Variants in ATP8B1 observed in about 807,000 individuals in gnomAD.
ATP8B1 encodes ATPase phospholipid transporting 8B1.
A neutral mutation model predicts 149.9 loss-of-function variants in ATP8B1; 80 were observed. The observed-to-expected ratio is 0.53, with a 90% CI of 0.45 to 0.64. The LOEUF is 0.64. Among genes scored for constraint, ATP8B1 ranks in the 30% least tolerant of loss-of-function variants. ATP8B1 has a pLI of 0.00. For synonymous variants in ATP8B1, 536 were observed against 562.8 expected (o/e 0.95, Z 0.67); for missense variants, 1,247 against 1,552.6 (o/e 0.80, Z 3.31).
intron 1 of ATP8B1, among the ~76,000 whole-genome samples, chr18:57,748,619 C>A (rs1452941378): frequency 6.6e-6 from 1 of 152,186 alleles, no homozygotes; most frequent in East Asian, 1.9e-4. Flanking sequence ...ACAGAGGACT[C>A]CACAGTCAGG....
intron 1 of ATP8B1, among the ~76,000 whole-genome samples, chr18:57,793,903 G>T (rs1346313708): frequency 6.6e-6 from 1 of 152,162 alleles, no homozygotes; most frequent in Non-Finnish European, 1.5e-5. Context: ...CACAGCCTAA[G>T]GTTCTCAAAT....
chr18:57,660,444 A>G (rs747035729), intron 22 of ATP8B1, among the ~76,000 whole-genome samples: 1 of 152,220 alleles, frequency 6.6e-6, no homozygotes, highest in Non-Finnish European at 1.5e-5. Context: ...AAGGAGAATG[A>G]TATTGTCAAA....
intron 1 of ATP8B1, among the ~76,000 whole-genome samples, chr18:57,797,361 A>G (rs955318161): frequency 1.3e-5 from 2 of 152,216 alleles, no homozygotes; most frequent in Admixed American, 6.5e-5. Flanking sequence ...GTCAGGCTCC[A>G]CAGTACTCAT....
intron 2 of ATP8B1, among the ~76,000 whole-genome samples, chr18:57,715,563 G>A (rs2079575921): frequency 1.3e-5 from 2 of 152,072 alleles, no homozygotes; most frequent in Non-Finnish European, 2.9e-5. Flanking sequence ...ACTACCTCAG[G>A]CATTTAGTAA....
chr18:57,668,072 A>T, intron 19 of ATP8B1: 1 of 1,299,360 alleles, frequency 7.7e-7, no homozygotes, highest in African/African-American at 1.5e-5. Flanking sequence ...AGTACTTTGT[A>T]TTGTTCTACT....
intron 1 of ATP8B1, among the ~76,000 whole-genome samples, chr18:57,790,516 G>A (rs901129405): frequency 1.3e-5 from 2 of 151,994 alleles, no homozygotes; most frequent in African/African-American, 4.8e-5. Flanking sequence ...ACAATTCCTA[G>A]AGCACAGCAC....
intron 1 of ATP8B1, among the ~76,000 whole-genome samples, chr18:57,769,896 A>T (rs560388029): frequency 6.6e-6 from 1 of 152,332 alleles, no homozygotes; most frequent in South Asian, 2.1e-4. Flanking sequence ...ATGCATTTAA[A>T]TATACAAGGA....
rs1437391792 is a variant in ATP8B1 at position 57,656,828 on chromosome 18, A to G, written c.2708-1411T>C. ...AGTGGGGAGAGAAGGGAGGGAGGGG[A>G]GAGAGAGAAGGAGGGGAAGAAGGAG... is the stretch of plus-strand genomic sequence containing the variant. On this transcript the variant is annotated intron_variant, in intron 22 of 27. Coordinates refer to ENST00000648908, the MANE Select transcript of ATP8B1 (RefSeq NM_001374385.1). Among the ~76,000 whole-genome samples the G allele has an allele frequency of 6.3e-5, 9 of 143,526 alleles. No individual in the cohort carries two copies. The Admixed American group carries it at 6.4e-4, about 10-fold the overall frequency. The allele number at this position is 143,526 out of a possible 152,430, so 94.2% of individuals were successfully genotyped here. A position where few individuals can be genotyped will look rare whatever the true frequency, so the allele number is the denominator to read the frequency against.
Position 57,652,367 on chromosome 18 carries a change from A to G in ATP8B1, c.3261+117T>C, listed in dbSNP as rs564218494. On this transcript the variant is annotated intron_variant, in intron 25 of 27. Transcript: ENST00000648908. ...GGTATAAGAGATGAAAATAGCATTT[A>G]TATTTTGTAAGTGGCACAGGTGCAG... 57 of 1,500,268 alleles carry G rather than the reference A, an allele frequency of 3.8e-5. 1 individual carries two copies. The South Asian group carries it at 4.7e-4, about 12-fold the overall frequency. The allele number at this position is 1,500,268 out of a possible 1,614,324, so 92.9% of individuals were successfully genotyped here.
At chr18:57,732,309 G>GTATATATGTGTATATATGTATATA (rs1232916462) in intron 1 of ATP8B1, among the ~76,000 whole-genome samples, 13 of 21,338 alleles carry the variant, frequency 6.1e-4, no homozygotes, top group Non-Finnish European at 1.1e-3. Flanking sequence ...GTGTATATAT[G>GTATATATGTGTATATATGTATATA]TGTGTATATA....
intron 11 of ATP8B1, 144 bp downstream of exon 11, chr18:57,694,438 T>G: frequency 6.6e-6 from 4 of 603,506 alleles, no homozygotes; most frequent in South Asian, 2.0e-5. Flanking sequence ...AAATCCCTTC[T>G]TCCTGCATTT....
At chr18:57,798,573 G>A (rs1009177823) in intron 1 of ATP8B1, among the ~76,000 whole-genome samples, 2 of 152,158 alleles carry the variant, frequency 1.3e-5, no homozygotes, top group African/African-American at 2.4e-5. Flanking sequence ...TCCAGCCTGG[G>A]TGACAGAGCA....
At chr18:57,718,596 G>A (rs2079607977) in intron 2 of ATP8B1, among the ~76,000 whole-genome samples, 1 of 152,132 alleles carries the variant, frequency 6.6e-6, no homozygotes, top group South Asian at 2.1e-4. Context: ...CAATATCATT[G>A]ATGAATGTTG....
Position 57,652,747 on chromosome 18 carries a change from A to AT in ATP8B1, c.3016-19dup. On this transcript the variant is annotated intron_variant, in intron 24 of 27. Transcript: ENST00000648908. ...CTCACATCCTTAAGGAGAAAACAAA[A>AT]TGATGGTATTTTATTCATCAGGTCA... 1 of 1,614,090 alleles carries AT rather than the reference A, an allele frequency of 6.2e-7. No homozygotes were observed. Among genetic ancestry groups the AT allele is most frequent in the East Asian group, 2.2e-5 (1 of 44,896 alleles).
chr18:57,726,122 G>A (rs1220706036), intron 2 of ATP8B1, among the ~76,000 whole-genome samples: 1 of 152,170 alleles, frequency 6.6e-6, no homozygotes, highest in Non-Finnish European at 1.5e-5. Context: ...CAGCTACTCG[G>A]GAGGCTGAGG....
intron 18 of ATP8B1, 169 bp from the exon 19 acceptor site, chr18:57,668,709 A>G: frequency 1.7e-6 from 1 of 579,010 alleles, no homozygotes; most frequent in Non-Finnish European, 3.0e-6. Context: ...ATGTTTCACA[A>G]TTACTGCAAA....
intron 1 of ATP8B1, among the ~76,000 whole-genome samples, chr18:57,736,395 C>T (rs529145308): frequency 1.3e-5 from 2 of 150,274 alleles, no homozygotes; most frequent in Non-Finnish European, 3.0e-5. Flanking sequence ...AAATCTTTGC[C>T]TAGACCAATG....
At chr18:57,699,868 C>G (rs191264133) in intron 6 of ATP8B1, among the ~76,000 whole-genome samples, 1 of 152,128 alleles carries the variant, frequency 6.6e-6, no homozygotes, top group South Asian at 2.1e-4. Context: ...ATATGTTTAG[C>G]CTGTACCATA....
At chr18:57,679,229 CA>C (rs1040600652) in intron 15 of ATP8B1, among the ~76,000 whole-genome samples, 201 of 134,048 alleles carry the variant, frequency 1.5e-3, no homozygotes, top group Admixed American at 3.0e-3. Flanking sequence ...GACTCTGTCT[CA>C]AAAAAAAAAA....
Sources: allele counts gnomAD v4.1 joint callset (sites outside exome capture counted in the v4.1 genomes callset), GRCh38; gene constraint gnomAD v4.1.1; transcripts MANE v1.5; gene names NCBI Gene and HGNC (gene_info 2026-07-23, HGNC 2026-07-21).